TMEM131L: variants seen among roughly 807,000 people sequenced by gnomAD.
TMEM131L encodes the protein transmembrane 131 like, also known as transmembrane protein 131-like.
A neutral mutation model predicts 192.2 loss-of-function variants in TMEM131L; 54 were observed. The ratio of observed to expected loss-of-function variants is 0.28; its 90% CI spans 0.23 to 0.35. The LOEUF is 0.35. Among genes scored for constraint, TMEM131L ranks in the 10% least tolerant of loss-of-function variants. TMEM131L has a pLI of 1.00. For missense variants in TMEM131L, 1,888 were observed against 1,972.9 expected (o/e 0.96, Z 0.82); for synonymous variants, 701 against 704.9 (o/e 0.99, Z 0.09).
At chr4:153,491,455 G>A (rs1261521475) in intron 3 of TMEM131L, among the ~76,000 whole-genome samples, 1 of 152,018 alleles carries the variant, frequency 6.6e-6, no homozygotes, top group East Asian at 1.9e-4. Flanking sequence ...TCGTATTACT[G>A]TTTTCTCAGT....
intron 19 of TMEM131L, 83 bp downstream of exon 19, chr4:153,593,954 A>C: frequency 1.1e-6 from 1 of 905,382 alleles, no homozygotes; most frequent in Admixed American, 1.8e-5. Flanking sequence ...TTATGTTTAA[A>C]ATGTCTTTTA....
chr4:153,500,322 T>C lies in TMEM131L; in HGVS notation c.239+26434T>C, dbSNP rs74898839. Among the ~76,000 whole-genome samples the C allele has an allele frequency of 3.2e-3, 485 of 152,284 alleles. 2 individuals carry two copies. The highest frequency in any genetic ancestry group is 0.011 in the African/African-American group (449 of 41,550). ...GGTTTCTTTATGTTGCCCAGGCTGA[T>C]CTTGAACTCCTTGGGCTCGAGTAAT... On this transcript the variant is annotated intron_variant, in intron 3 of 34. Transcript: ENST00000409959.
chr4:153,611,612 C>G (rs1179510831), intron 25 of TMEM131L, among the ~76,000 whole-genome samples: 1 of 152,160 alleles, frequency 6.6e-6, no homozygotes, highest in Non-Finnish European at 1.5e-5. Flanking sequence ...AATCTGCACC[C>G]ATTACATAAT....
intron 26 of TMEM131L, among the ~76,000 whole-genome samples, chr4:153,616,357 G>A (rs577255227): frequency 6.6e-6 from 1 of 151,998 alleles, no homozygotes; most frequent in South Asian, 2.1e-4. Context: ...CCATTTCATT[G>A]TTCATTTGGC....
chr4:153,488,039 GGT>G (rs142799613), intron 3 of TMEM131L, among the ~76,000 whole-genome samples: 2 of 148,422 alleles, frequency 1.3e-5, no homozygotes, highest in Non-Finnish European at 3.0e-5. Context: ...ATGACTGAGG[GGT>G]GTGTGTGTGT....
chr4:153,504,157 A>G (rs2150016234), intron 3 of TMEM131L, among the ~76,000 whole-genome samples: 1 of 148,134 alleles, frequency 6.8e-6, no homozygotes, highest in African/African-American at 2.5e-5. Context: ...TTTAGTAGAG[A>G]CGGGGTTTCA....
chr4:153,570,316 A>G (rs1729502189), intron 7 of TMEM131L, among the ~76,000 whole-genome samples: 1 of 152,214 alleles, frequency 6.6e-6, no homozygotes, highest in African/African-American at 2.4e-5. Context: ...TCGATTTACC[A>G]AAGAGAGGGA....
intron 3 of TMEM131L, among the ~76,000 whole-genome samples, chr4:153,475,962 C>CT (rs986437744): frequency 1.3e-5 from 2 of 152,184 alleles, no homozygotes; most frequent in African/African-American, 2.4e-5. Context: ...GTATTGATAA[C>CT]TTTTTTTGTT....
chr4:153,568,737 G>A (rs1325592153), intron 7 of TMEM131L, among the ~76,000 whole-genome samples: 3 of 152,208 alleles, frequency 2.0e-5, no homozygotes, highest in Non-Finnish European at 4.4e-5. Flanking sequence ...TATTCTATTA[G>A]AGTACTTTAG....
At position 153,480,864 on chromosome 4, in the gene TMEM131L, C is replaced by T. The variant is rs182337691; in HGVS notation, c.239+6976C>T. Among the ~76,000 whole-genome samples the T allele has an allele frequency of 6.0e-4, 92 of 152,258 alleles. 1 individual carries two copies. Among genetic ancestry groups the T allele is most frequent in the Middle Eastern group, 6.8e-3 (2 of 294 alleles). ...TCCTGAACTGAGCTTCTGGGCCTCTCGCTGTCCCCAGTTCCTGTGCCTGCC... is the reference window on the plus strand; with the variant it reads ...TCCTGAACTGAGCTTCTGGGCCTCTTGCTGTCCCCAGTTCCTGTGCCTGCC... On this transcript the variant is annotated intron_variant, in intron 3 of 34. Transcript: ENST00000409959.
intron 3 of TMEM131L, among the ~76,000 whole-genome samples, chr4:153,508,089 T>A (rs1357396991): frequency 6.6e-6 from 1 of 152,080 alleles, no homozygotes; most frequent in Non-Finnish European, 1.5e-5. Flanking sequence ...AAAGAGGGAA[T>A]GAATCATATT....
intron 7 of TMEM131L, among the ~76,000 whole-genome samples, chr4:153,569,366 T>C (rs768909666): frequency 6.6e-6 from 1 of 152,176 alleles, no homozygotes; most frequent in Non-Finnish European, 1.5e-5. Context: ...AGTTTGCCCC[T>C]AGACAGCTTT....
At chr4:153,493,657 CAA>C (rs1296205328) in intron 3 of TMEM131L, among the ~76,000 whole-genome samples, 2 of 151,778 alleles carry the variant, frequency 1.3e-5, no homozygotes, top group South Asian at 2.1e-4. Flanking sequence ...TAGACTGTCT[CAA>C]AAAAAGAAAA....
chr4:153,506,296 C>T (rs79547834), intron 3 of TMEM131L, among the ~76,000 whole-genome samples: 2,302 of 152,152 alleles, frequency 0.015, 68 homozygotes, highest in African/African-American at 0.053. Flanking sequence ...TTTACGGGGA[C>T]AAAATAATTT....
chr4:153,602,772 T>C, intron 23 of TMEM131L, 45 bp downstream of exon 23: 1 of 1,565,650 alleles, frequency 6.4e-7, no homozygotes, highest in African/African-American at 1.4e-5. Context: ...AGTAGAGAAG[T>C]CATCCAGGCA....
intron 31 of TMEM131L, among the ~76,000 whole-genome samples, chr4:153,630,869 C>T (rs1370355967): frequency 1.3e-5 from 2 of 152,190 alleles, no homozygotes; most frequent in Non-Finnish European, 2.9e-5. Flanking sequence ...GAGAACATAC[C>T]CTTACCAAGG....
At chr4:153,578,806 C>T (rs1008702684) in intron 7 of TMEM131L, among the ~76,000 whole-genome samples, 8 of 151,834 alleles carry the variant, frequency 5.3e-5, no homozygotes, top group African/African-American at 1.9e-4. Context: ...AGGCGTGAGC[C>T]ACAATGCCTG....
chr4:153,605,331 A>G (rs551787693), intron 25 of TMEM131L, among the ~76,000 whole-genome samples: 27 of 152,290 alleles, frequency 1.8e-4, no homozygotes, highest in African/African-American at 6.3e-4. Context: ...CACCCTGACC[A>G]TTTGAATATA....
intron 3 of TMEM131L, among the ~76,000 whole-genome samples, chr4:153,542,714 C>T (rs1002980738): frequency 5.3e-5 from 8 of 152,128 alleles, no homozygotes; most frequent in African/African-American, 1.2e-4. Flanking sequence ...GGACTTGAAG[C>T]GGCTAGGGAA....
Sources: gnomAD v4.1 joint callset for allele counts (sites outside exome capture counted in the v4.1 genomes callset) on GRCh38, gnomAD v4.1.1 for gene constraint, MANE v1.5 for transcripts, NCBI Gene and HGNC (gene_info 2026-07-23, HGNC 2026-07-21) for gene names.